The following CNTNAP4 variants were observed in gnomAD, a reference collection of about 807,000 sequenced individuals.
CNTNAP4 encodes the protein contactin-associated protein-like 4.
A neutral mutation model predicts 148.4 loss-of-function variants in CNTNAP4; 98 were observed. The observed-to-expected ratio is 0.66, with a 90% confidence interval of 0.56 to 0.78. The LOEUF (loss-of-function observed/expected upper bound fraction) is 0.78. Among genes scored for constraint, CNTNAP4 ranks in the 30% least tolerant of loss-of-function variants. The probability of loss-of-function intolerance (pLI) is 0.00; values close to 1 mark genes in which losing one functional copy is unlikely to be tolerated. For synonymous variants in CNTNAP4, 730 were observed against 565.1 expected, an observed-to-expected ratio of 1.29 and a Z score of -4.14; for missense variants, 1,935 against 1,565.6, an observed-to-expected ratio of 1.24 and a Z score of -3.98.
chr16:76,406,138 A>G (rs1351177135), intron 3 of CNTNAP4, among the ~76,000 whole-genome samples: 1 of 152,168 alleles, frequency 6.6e-6, no homozygotes, highest in Non-Finnish European at 1.5e-5. Context: ...TTACAACAGC[A>G]TGTGCTCACT....
In CNTNAP4 at chr16:76,560,003, A is replaced by G. The variant is rs2144474027; in HGVS notation, c.*1320A>G. 6.6e-6 allele frequency among the ~76,000 whole-genome samples: 1 copy of G among 152,306 alleles called. No homozygotes were observed. Among genetic ancestry groups the G allele is most frequent in the East Asian group, 1.9e-4 (1 of 5,180 alleles). ...ACCAAGAATCAATCCAACTTGCTGA[A>G]TGGTACATTCTGATTAGGGTGTATT... On this transcript the variant is annotated 3_prime_UTR_variant, in exon 24 of 24. Coordinates refer to ENST00000611870, the MANE Select transcript of CNTNAP4 (RefSeq NM_033401.5).
intron 3 of CNTNAP4, among the ~76,000 whole-genome samples, chr16:76,414,689 A>G (rs536070813): frequency 6.6e-6 from 1 of 151,366 alleles, no homozygotes; most frequent in Non-Finnish European, 1.5e-5. Flanking sequence ...ACAATTATGC[A>G]TGTAATCTAA....
At chr16:76,432,333 A>G (rs1450674912) in intron 4 of CNTNAP4, 1 of 152,194 alleles carries the variant, frequency 6.6e-6, no homozygotes, top group Non-Finnish European at 1.5e-5. Context: ...GTTATGAAGG[A>G]ACATCAAGTG....
chr16:76,343,803 G>A (rs548010612), intron 2 of CNTNAP4, among the ~76,000 whole-genome samples: 1 of 151,858 alleles, frequency 6.6e-6, no homozygotes, highest in Non-Finnish European at 1.5e-5. Flanking sequence ...CAAGAATAAG[G>A]CAAACAAATC....
intron 3 of CNTNAP4, among the ~76,000 whole-genome samples, chr16:76,358,703 C>G (rs895660615): frequency 6.6e-6 from 1 of 152,114 alleles, no homozygotes; most frequent in Non-Finnish European, 1.5e-5. Context: ...AATGTTGGAT[C>G]TGGCAAAGAA....
rs555998172 is a variant in CNTNAP4 at position 76,382,195 on chromosome 16, T to C, written c.390+26684T>C. Among the ~76,000 whole-genome samples the C allele has an allele frequency of 4.0e-5, 6 of 151,446 alleles. No individual in the cohort carries two copies. In the East Asian group the frequency reaches 9.7e-4, roughly 25 times the overall value. ...TTTCAGATTTTACTGTAGAGTAATA[T>C]ACACAATTTAATAATTGTATACAAA... On this transcript the variant is annotated intron_variant, in intron 3 of 23. Transcript: ENST00000611870.
intron 2 of CNTNAP4, among the ~76,000 whole-genome samples, chr16:76,346,799 A>T (rs1447208000): frequency 6.6e-6 from 1 of 152,198 alleles, no homozygotes; most frequent in Non-Finnish European, 1.5e-5. Flanking sequence ...TTTGCAAATC[A>T]AATACACAAA....
rs1162447556 is a variant in CNTNAP4, at chr16:76,427,581, G to A, written c.520G>A (p.Val174Met). The A allele has an allele frequency of 6.2e-7, 1 of 1,611,100 alleles. No homozygotes were observed. The highest frequency in any genetic ancestry group is 1.1e-5 in the South Asian group (1 of 90,472). ...PKGRIGMRIE[V>M]FGCAYRSEVV... is the part of the protein sequence containing the mutation. The stretch of plus-strand genomic sequence containing the variant: ...GGGCAGAATTGGAATGCGAATCGAA[G>A]TGTTCGGATGTGCATACAGTAAGTG... Residue 174 changes from valine to methionine, a missense_variant, in exon 4 of 24, where the codon GTG becomes ATG. Val to Met is a conservative substitution (Grantham distance 21). Coordinates refer to ENST00000611870, the MANE Select transcript of CNTNAP4 (RefSeq NM_033401.5).
intron 2 of CNTNAP4, among the ~76,000 whole-genome samples, chr16:76,328,275 G>A (rs1398272531): frequency 6.6e-6 from 1 of 152,064 alleles, no homozygotes; most frequent in Non-Finnish European, 1.5e-5. Flanking sequence ...AGTGAAAATG[G>A]CATTTTACCT....
intron 1 of CNTNAP4, among the ~76,000 whole-genome samples, chr16:76,309,473 G>A (rs1254853772): frequency 6.6e-6 from 1 of 152,138 alleles, no homozygotes; most frequent in Non-Finnish European, 1.5e-5. Context: ...TAGGCAGGCT[G>A]ACCAGAAGTG....
chr16:76,469,528 C>A, intron 10 of CNTNAP4: 1 of 152,330 alleles, frequency 6.6e-6, no homozygotes, highest in African/African-American at 2.4e-5. Flanking sequence ...AGTGGTAGTG[C>A]ATGTTGATTA....
chr16:76,325,575 C>A (rs1019088646), intron 2 of CNTNAP4, among the ~76,000 whole-genome samples: 6 of 152,080 alleles, frequency 3.9e-5, no homozygotes, highest in Non-Finnish European at 1.5e-5. Flanking sequence ...AATGAGAAAA[C>A]ATTTTAACTG....
chr16:76,344,655 C>T (rs1280532181), intron 2 of CNTNAP4, among the ~76,000 whole-genome samples: 1 of 152,182 alleles, frequency 6.6e-6, no homozygotes, highest in Non-Finnish European at 1.5e-5. Context: ...GTTGTCAAAA[C>T]TTTAGCAGTT....
intron 13 of CNTNAP4, among the ~76,000 whole-genome samples, chr16:76,491,492 T>C (rs1281662568): frequency 6.6e-6 from 1 of 152,336 alleles, no homozygotes; most frequent in Middle Eastern, 3.4e-3. Flanking sequence ...ACGTACAAAG[T>C]GCATGGCATG....
At chr16:76,369,940 A>G (rs1225075362) in intron 3 of CNTNAP4, among the ~76,000 whole-genome samples, 2 of 152,146 alleles carry the variant, frequency 1.3e-5, no homozygotes, top group Admixed American at 6.5e-5. Flanking sequence ...ATATCTGCCT[A>G]CAATGGTGAG....
At chr16:76,304,834 A>G (rs1319837764) in intron 1 of CNTNAP4, among the ~76,000 whole-genome samples, 1 of 152,208 alleles carries the variant, frequency 6.6e-6, no homozygotes, top group Non-Finnish European at 1.5e-5. Context: ...TCCCCCGAGG[A>G]TGTCCATATC....
At position 76,449,766 on chromosome 16, in the gene CNTNAP4, A is replaced by G; in HGVS notation, c.979A>G (p.Arg327Gly). The G allele has an allele frequency of 6.3e-7, 1 of 1,598,050 alleles. No homozygotes were observed. Among genetic ancestry groups the G allele is most frequent in the East Asian group, 2.2e-5 (1 of 44,490 alleles). ...APGKSVSFPH[R>G]NFHGCLENLY... ...TGGAAAATCAGTGTCATTCCCACAT[A>G]GAAATTTTCATGGATGTTTAGAAAA... The change falls in exon 7 of 24, where the codon AGA becomes GGA. Residue 327 changes from arginine to glycine, a missense_variant. Coordinates refer to ENST00000611870, the MANE Select transcript of CNTNAP4 (RefSeq NM_033401.5).
chr16:76,364,418 T>G (rs1439308918), intron 3 of CNTNAP4, among the ~76,000 whole-genome samples: 10 of 152,266 alleles, frequency 6.6e-5, no homozygotes, highest in Non-Finnish European at 1.0e-4. Flanking sequence ...GAATTTAATT[T>G]GGTGCCTCTT....
intron 5 of CNTNAP4, 143 bp from the exon 6 acceptor site, chr16:76,448,624 G>A (rs993612321): frequency 6.7e-6 from 4 of 593,294 alleles, no homozygotes; most frequent in Non-Finnish European, 1.1e-5. Flanking sequence ...TGAAACTTCG[G>A]GGAAATGCAT....
Sources: gnomAD v4.1 joint callset for allele counts (sites outside exome capture counted in the v4.1 genomes callset) on GRCh38, gnomAD v4.1.1 for gene constraint, MANE v1.5 for transcripts, NCBI Gene and HGNC (gene_info 2026-07-23, HGNC 2026-07-21) for gene names.